The following SLC2A13 variants were observed in gnomAD, a reference collection of about 807,000 sequenced individuals.
SLC2A13 encodes the protein solute carrier family 2 member 13, also known as proton myo-inositol cotransporter.
A neutral mutation model predicts 64.4 loss-of-function variants in SLC2A13; 32 were observed. The ratio of observed to expected loss-of-function variants is 0.50; its 90% confidence interval spans 0.37 to 0.67. SLC2A13 has a LOEUF of 0.67. Among genes scored for constraint, SLC2A13 ranks in the 30% least tolerant of loss-of-function variants. The probability of loss-of-function intolerance (pLI) is 0.00; values close to 1 mark genes in which losing one functional copy is unlikely to be tolerated. For missense variants in SLC2A13, 743 were observed against 829.2 expected, an observed-to-expected ratio of 0.90 and a Z score of 1.28; for synonymous variants, 338 against 327.1, an observed-to-expected ratio of 1.03 and a Z score of -0.36.
intron 1 of SLC2A13, among the ~76,000 whole-genome samples, chr12:40,080,457 C>T (rs1327666215): frequency 6.6e-6 from 1 of 152,206 alleles, no homozygotes; most frequent in East Asian, 1.9e-4. Flanking sequence ...GTGGTGCCAT[C>T]TCAGCTCACT....
intron 7 of SLC2A13, among the ~76,000 whole-genome samples, chr12:39,776,242 C>T (rs905740240): frequency 7.0e-6 from 1 of 143,768 alleles, no homozygotes; most frequent in Admixed American, 7.1e-5. Flanking sequence ...CCAAAGGCCT[C>T]AAAATGCTGG....
chr12:39,978,671 T>G (rs1565572772), intron 3 of SLC2A13, among the ~76,000 whole-genome samples: 1 of 151,994 alleles, frequency 6.6e-6, no homozygotes, highest in Non-Finnish European at 1.5e-5. Flanking sequence ...CGGAGGGTCC[T>G]ACGCCCACGG....
intron 4 of SLC2A13, among the ~76,000 whole-genome samples, chr12:39,946,147 C>T (rs1049520796): frequency 4.6e-5 from 7 of 152,270 alleles, no homozygotes; most frequent in South Asian, 4.1e-4. Flanking sequence ...AGCCACGCAG[C>T]GAGTCTACCT....
At chr12:39,868,854 T>C (rs1301121945) in intron 5 of SLC2A13, among the ~76,000 whole-genome samples, 1 of 152,208 alleles carries the variant, frequency 6.6e-6, no homozygotes, top group East Asian at 1.9e-4. Flanking sequence ...GGACTACATA[T>C]TTTGTACTTC....
chr12:40,020,920 G>GT (rs59809594), intron 3 of SLC2A13, among the ~76,000 whole-genome samples: 6,933 of 143,400 alleles, frequency 0.048, 465 homozygotes, highest in Admixed American at 0.2. Flanking sequence ...TACCTTGTGG[G>GT]TTTTTTTTTT....
rs1353673558 is a variant in SLC2A13 at position 40,105,953 on chromosome 12, G to A, written c.-145C>T. The stretch of plus-strand genomic sequence containing the variant: ...TTCCGCTCCGGCTGCCACGGCAGCA[G>A]CCGCCGCCACGGCCGCTCCGGGGAG... On this transcript the variant is annotated 5_prime_UTR_variant, in exon 1 of 10. Transcript: ENST00000280871. The surrounding 1 kb of genome is among the most constrained non-coding windows in gnomAD (Gnocchi z 4.2). The A allele has an allele frequency of 4.8e-6, 5 of 1,048,212 alleles. No homozygotes were observed. Among genetic ancestry groups the A allele is most frequent in the Admixed American group, 4.3e-5 (1 of 23,112 alleles). 64.9% of individuals were successfully genotyped at this position (1,048,212 alleles called of 1,614,324 possible).
intron 3 of SLC2A13, among the ~76,000 whole-genome samples, chr12:39,961,077 CTT>C (rs1014189208): frequency 2.3e-4 from 31 of 133,614 alleles, no homozygotes; most frequent in Admixed American, 4.5e-4. Context: ...ATGTTTTTTT[CTT>C]TTTTTTTTTT....
At chr12:39,781,593 G>A (rs796521049) in intron 7 of SLC2A13, among the ~76,000 whole-genome samples, 4 of 152,336 alleles carry the variant, frequency 2.6e-5, no homozygotes, top group African/African-American at 9.6e-5. Flanking sequence ...GCGATTTTAT[G>A]TAAGGAGAGA....
chr12:39,872,566 C>T (rs1944084856), intron 4 of SLC2A13, among the ~76,000 whole-genome samples: 1 of 152,180 alleles, frequency 6.6e-6, no homozygotes, highest in Non-Finnish European at 1.5e-5. Context: ...AAGTCTCTAG[C>T]ATGATTAAGC....
At chr12:39,853,355 G>T (rs928704678) in intron 6 of SLC2A13, among the ~76,000 whole-genome samples, 1 of 151,900 alleles carries the variant, frequency 6.6e-6, no homozygotes, top group African/African-American at 2.4e-5. Context: ...CAGTGGTTAT[G>T]ATATACTATC....
At chr12:39,868,234 C>G (rs1482623800) in intron 5 of SLC2A13, among the ~76,000 whole-genome samples, 1 of 152,122 alleles carries the variant, frequency 6.6e-6, no homozygotes, top group Non-Finnish European at 1.5e-5. Context: ...AGAAGAGTCT[C>G]TCTTAACCAA....
At chr12:39,999,920 ATGT>A (rs1947296167) in intron 3 of SLC2A13, among the ~76,000 whole-genome samples, 1 of 152,154 alleles carries the variant, frequency 6.6e-6, no homozygotes, top group Non-Finnish European at 1.5e-5. Context: ...TCCTACCAAT[ATGT>A]GATGTCACCC....
At chr12:39,810,176 C>T (rs934225428) in intron 7 of SLC2A13, among the ~76,000 whole-genome samples, 6 of 152,134 alleles carry the variant, frequency 3.9e-5, no homozygotes, top group South Asian at 2.1e-4. Context: ...TTCTTATCCA[C>T]GAGTGTGATC....
At chr12:40,035,367 A>C (rs1947965755) in intron 2 of SLC2A13, among the ~76,000 whole-genome samples, 1 of 152,228 alleles carries the variant, frequency 6.6e-6, no homozygotes, top group Non-Finnish European at 1.5e-5. Flanking sequence ...TGTTACAGCA[A>C]CTTACTTGGT....
intron 1 of SLC2A13, among the ~76,000 whole-genome samples, chr12:40,078,258 C>T (rs1938257448): frequency 6.6e-6 from 1 of 152,078 alleles, no homozygotes; most frequent in South Asian, 2.1e-4. Context: ...CCAGGTTTTA[C>T]CCATTCGTTA....
intron 3 of SLC2A13, among the ~76,000 whole-genome samples, chr12:39,980,358 A>C (rs1946865445): frequency 6.6e-6 from 1 of 152,170 alleles, no homozygotes; most frequent in African/African-American, 2.4e-5. Flanking sequence ...TATATTCTCC[A>C]ATTAAAAGAC....
intron 7 of SLC2A13, chr12:39,819,708 C>T (rs1942438383): frequency 6.6e-6 from 1 of 152,144 alleles, no homozygotes; most frequent in African/African-American, 2.4e-5. Flanking sequence ...GATTATAAAT[C>T]TTAGGGAGTA....
chr12:39,902,335 TATA>T (rs957635088), intron 4 of SLC2A13, among the ~76,000 whole-genome samples: 28 of 151,728 alleles, frequency 1.8e-4, no homozygotes, highest in East Asian at 7.7e-4. Flanking sequence ...AAAATTAAAG[TATA>T]ATAATAATAA....
intron 4 of SLC2A13, among the ~76,000 whole-genome samples, chr12:39,877,281 A>G (rs1184458853): frequency 6.6e-6 from 1 of 152,142 alleles, no homozygotes; most frequent in East Asian, 1.9e-4. Context: ...GGCAAAGGAG[A>G]GCAAAGGTAT....
Sources: gnomAD v4.1 joint callset for allele counts (sites outside exome capture counted in the v4.1 genomes callset) on GRCh38, gnomAD v4.1.1 for gene constraint, Gnocchi (gnomAD v3.1) non-coding constraint, MANE v1.5 for transcripts, NCBI Gene and HGNC (gene_info 2026-07-23, HGNC 2026-07-21) for gene names.